Variants in FAF1 observed in about 807,000 individuals in gnomAD.
The protein encoded by FAF1 is FAS-associated factor 1.
Under a neutral mutation model 92.5 loss-of-function variants are expected in FAF1, and 25 were observed. The observed-to-expected ratio is 0.27, with a 90% CI of 0.20 to 0.38. FAF1 has a LOEUF of 0.38. Among genes scored for constraint, FAF1 ranks in the 10% least tolerant of loss-of-function variants. The probability of loss-of-function intolerance (pLI) is 1.00; values close to 1 mark genes in which losing one functional copy is unlikely to be tolerated. For missense variants in FAF1, 636 were observed against 793.3 expected (o/e 0.80, Z 2.38); for synonymous variants, 234 against 273.2 (o/e 0.86, Z 1.42).
Position 50,441,431 on chromosome 1 carries a change from G to A in FAF1, c.*9C>T, listed in dbSNP as rs1428350769. On this transcript the variant is annotated 3_prime_UTR_variant, in exon 19 of 19. Transcript: ENST00000396153. ...TCAAGGAATGGCTGGTTCCACCGCT[G>A]GGCCGTGTTTACTCTTTTGCTTCAA... is the stretch of plus-strand genomic sequence containing the variant. 10 of 1,512,062 alleles carry A rather than the reference G, an allele frequency of 6.6e-6. No individual in the cohort carries two copies. The highest frequency in any genetic ancestry group is 2.1e-5 in the Admixed American group (1 of 48,744). The allele number at this position is 1,512,062 out of a possible 1,614,324, so 93.7% of individuals were successfully genotyped here.
At chr1:50,902,348 T>C (rs866914961) in intron 1 of FAF1, among the ~76,000 whole-genome samples, 1 of 152,232 alleles carries the variant, frequency 6.6e-6, no homozygotes, top group African/African-American at 2.4e-5. Flanking sequence ...AAATACACAC[T>C]ACATTTCTTA....
chr1:50,867,513 T>C (rs1644491579), intron 1 of FAF1, among the ~76,000 whole-genome samples: 1 of 151,934 alleles, frequency 6.6e-6, no homozygotes, highest in Non-Finnish European at 1.5e-5. Context: ...TATTAAAAAC[T>C]GGGCTAGGGA....
intron 8 of FAF1, among the ~76,000 whole-genome samples, chr1:50,644,087 T>G (rs565979624): frequency 6.6e-6 from 1 of 152,362 alleles, no homozygotes; most frequent in South Asian, 2.1e-4. Context: ...TGGGTCAGAT[T>G]TTCCTGCTTG....
chr1:50,864,097 C>T (rs1310982170), intron 1 of FAF1, among the ~76,000 whole-genome samples: 1 of 151,390 alleles, frequency 6.6e-6, no homozygotes, highest in Non-Finnish European at 1.5e-5. Flanking sequence ...TCTCTCTTTT[C>T]TTCTTTATTA....
chr1:50,773,911 T>A (rs1378117530), intron 4 of FAF1, among the ~76,000 whole-genome samples: 1 of 152,212 alleles, frequency 6.6e-6, no homozygotes, highest in African/African-American at 2.4e-5. Flanking sequence ...TACACATGTA[T>A]TGAAACATCA....
intron 1 of FAF1, among the ~76,000 whole-genome samples, chr1:50,913,682 T>C (rs560096711): frequency 3.9e-5 from 6 of 152,292 alleles, no homozygotes; most frequent in Non-Finnish European, 5.9e-5. Flanking sequence ...ACACATTATA[T>C]TGGGGGAAAA....
intron 7 of FAF1, among the ~76,000 whole-genome samples, chr1:50,683,089 C>G (rs2124371792): frequency 6.6e-6 from 1 of 151,808 alleles, no homozygotes; most frequent in African/African-American, 2.4e-5. Context: ...CAAAATTTAA[C>G]AAGAAATTAA....
intron 16 of FAF1, 61 bp from the exon 17 acceptor site, chr1:50,490,726 G>T: frequency 9.7e-7 from 1 of 1,028,240 alleles, no homozygotes; most frequent in Non-Finnish European, 1.5e-6. Context: ...AAGAAAGAGA[G>T]AAATAAGGAA....
At chr1:50,463,798 A>T (rs1327093667) in intron 18 of FAF1, among the ~76,000 whole-genome samples, 1 of 152,210 alleles carries the variant, frequency 6.6e-6, no homozygotes, top group African/African-American at 2.4e-5. Flanking sequence ...AAACTTTCAC[A>T]TCGGAGATCC....
chr1:50,871,978 T>C (rs1461672183), intron 1 of FAF1, among the ~76,000 whole-genome samples: 1 of 142,824 alleles, frequency 7.0e-6, no homozygotes, highest in African/African-American at 2.6e-5. Flanking sequence ...GGCAGGAGAA[T>C]GGCATGAACC....
chr1:50,604,773 T>C lies in FAF1; in HGVS notation c.745-8557A>G, dbSNP rs1652301240. ...TGGTCTTGAGCTCCTGGGCTCCCCC[T>C]TTTGGCCTCTCAAAGTGCTGGGATT... is the stretch of plus-strand genomic sequence containing the variant. On this transcript the variant is annotated intron_variant, in intron 8 of 18. Transcript: ENST00000396153. Among the ~76,000 whole-genome samples, 3 of 152,142 alleles carry C rather than the reference T, an allele frequency of 2.0e-5. No homozygotes were observed. In the South Asian group the frequency reaches 6.2e-4, roughly 32 times the overall value.
intron 4 of FAF1, among the ~76,000 whole-genome samples, chr1:50,765,314 T>G (rs1382328853): frequency 6.6e-6 from 1 of 152,230 alleles, no homozygotes; most frequent in Non-Finnish European, 1.5e-5. Context: ...TTTGGAATAG[T>G]GTTTTTATTT....
chr1:50,501,615 T>C (rs1328156528), intron 15 of FAF1, among the ~76,000 whole-genome samples: 1 of 150,296 alleles, frequency 6.7e-6, no homozygotes, highest in Non-Finnish European at 1.5e-5. Context: ...GAGCCGAGAT[T>C]GCACCACTGC....
At chr1:50,679,644 C>T (rs1209162070) in intron 7 of FAF1, among the ~76,000 whole-genome samples, 1 of 152,064 alleles carries the variant, frequency 6.6e-6, no homozygotes, top group Non-Finnish European at 1.5e-5. Flanking sequence ...TCTTTCATTC[C>T]CCTGAATCTC....
chr1:50,498,368 C>A (rs1149791), intron 15 of FAF1, among the ~76,000 whole-genome samples: 1 of 151,880 alleles, frequency 6.6e-6, no homozygotes, highest in Non-Finnish European at 1.5e-5. Context: ...TTCTTTAGTA[C>A]GTCATTGAAA....
chr1:50,739,320 G>A (rs145793666), intron 5 of FAF1, among the ~76,000 whole-genome samples: 72 of 147,352 alleles, frequency 4.9e-4, no homozygotes, highest in Admixed American at 8.8e-4. Flanking sequence ...GCATATACAT[G>A]TGTACATGTG....
intron 4 of FAF1, among the ~76,000 whole-genome samples, chr1:50,746,265 TA>T (rs1659589557): frequency 5.0e-4 from 10 of 20,186 alleles, no homozygotes; most frequent in South Asian, 3.0e-3. Flanking sequence ...TATATATATA[TA>T]TATATATATA....
intron 1 of FAF1, among the ~76,000 whole-genome samples, chr1:50,876,510 G>T (rs1448389047): frequency 6.6e-6 from 1 of 152,182 alleles, no homozygotes; most frequent in African/African-American, 2.4e-5. Context: ...TAATGATGGG[G>T]ATACGACAAA....
chr1:50,622,845 G>C (rs1243254263), intron 8 of FAF1, among the ~76,000 whole-genome samples: 1 of 152,144 alleles, frequency 6.6e-6, no homozygotes, highest in African/African-American at 2.4e-5. Flanking sequence ...TAGTATACCT[G>C]TGCACACCAG....
Sources: gnomAD v4.1 joint callset for allele counts (sites outside exome capture counted in the v4.1 genomes callset) on GRCh38, gnomAD v4.1.1 for gene constraint, MANE v1.5 for transcripts, NCBI Gene and HGNC (gene_info 2026-07-23, HGNC 2026-07-21) for gene names.